The following PHKB variants were observed in gnomAD, a reference collection of about 807,000 sequenced individuals.
PHKB encodes phosphorylase b kinase regulatory subunit beta.
PHKB carries 122 observed loss-of-function variants against 152.1 expected under a neutral mutation model. The observed-to-expected ratio is 0.80, with a 90% confidence interval of 0.69 to 0.93. PHKB has a LOEUF of 0.93. PHKB is among the 40% of genes least tolerant of loss of function. The pLI, the probability that PHKB is intolerant of heterozygous loss-of-function variation, is 0.00. For synonymous variants in PHKB, 436 were observed against 464.9 expected, an observed-to-expected ratio of 0.94 and a Z score of 0.80; for missense variants, 1,304 against 1,328.4, an observed-to-expected ratio of 0.98 and a Z score of 0.29.
chr16:47,466,616 CTT>C (rs1969673224), intron 1 of PHKB, among the ~76,000 whole-genome samples: 1 of 152,138 alleles, frequency 6.6e-6, no homozygotes, highest in Non-Finnish European at 1.5e-5. Context: ...GGACTTGAGT[CTT>C]TTCATTTACT....
At chr16:47,536,656 C>T (rs1236858362) in intron 6 of PHKB, among the ~76,000 whole-genome samples, 2 of 152,306 alleles carry the variant, frequency 1.3e-5, no homozygotes, top group East Asian at 3.9e-4. Flanking sequence ...TATACATATT[C>T]ACACAAAGTG....
At chr16:47,486,722 C>T (rs553350662) in intron 1 of PHKB, among the ~76,000 whole-genome samples, 2 of 152,110 alleles carry the variant, frequency 1.3e-5, no homozygotes, top group Admixed American at 6.5e-5. Context: ...GACTCTTTGA[C>T]CTCTATGATA....
chr16:47,549,455 C>T (rs999436198), intron 7 of PHKB, among the ~76,000 whole-genome samples: 12 of 152,096 alleles, frequency 7.9e-5, no homozygotes, highest in East Asian at 1.9e-4. Flanking sequence ...TTTGGGAGGC[C>T]GAGGCGGGCA....
chr16:47,622,178 A>G (rs536868279), intron 14 of PHKB, among the ~76,000 whole-genome samples: 1 of 152,238 alleles, frequency 6.6e-6, no homozygotes, highest in African/African-American at 2.4e-5. Context: ...TATTTCTGAC[A>G]TTTTTCTCTA....
At chr16:47,532,084 A>C (rs1970871225) in intron 6 of PHKB, among the ~76,000 whole-genome samples, 1 of 152,214 alleles carries the variant, frequency 6.6e-6, no homozygotes, top group African/African-American at 2.4e-5. Flanking sequence ...AATTTAAAAA[A>C]CAGGAAATTA....
At chr16:47,464,104 C>T (rs1969625012) in intron 1 of PHKB, 4 of 794,138 alleles carry the variant, frequency 5.0e-6, no homozygotes, top group Non-Finnish European at 8.9e-6. Flanking sequence ...CTTTGGTGGG[C>T]CCAGGCCTGA....
intron 13 of PHKB, among the ~76,000 whole-genome samples, chr16:47,602,703 G>A (rs969866751): frequency 6.6e-6 from 1 of 152,000 alleles, no homozygotes; most frequent in African/African-American, 2.4e-5. Context: ...ACTTCCATGA[G>A]CATTAATTTT....
At chr16:47,552,256 A>G (rs1204611459) in intron 7 of PHKB, among the ~76,000 whole-genome samples, 2 of 152,114 alleles carry the variant, frequency 1.3e-5, no homozygotes, top group African/African-American at 4.8e-5. Context: ...TCCTGTCATT[A>G]TGATGTTAGC....
chr16:47,686,539 G>T (rs931039739), intron 26 of PHKB, among the ~76,000 whole-genome samples: 1 of 152,102 alleles, frequency 6.6e-6, no homozygotes, highest in Non-Finnish European at 1.5e-5. Context: ...AAGTAAGTTC[G>T]ATGAGCAATA....
chr16:47,602,564 T>C (rs1467542194), intron 13 of PHKB, among the ~76,000 whole-genome samples: 4 of 139,432 alleles, frequency 2.9e-5, no homozygotes, highest in Non-Finnish European at 6.3e-5. Context: ...TTTTTTTTTC[T>C]TTTCTTACAT....
intron 20 of PHKB, among the ~76,000 whole-genome samples, chr16:47,658,548 G>T (rs1449354304): frequency 6.6e-6 from 1 of 152,084 alleles, no homozygotes; most frequent in Admixed American, 6.6e-5. Context: ...ATACAATGGA[G>T]GTCTCATAAG....
At chr16:47,671,815 G>A (rs980705373) in intron 26 of PHKB, among the ~76,000 whole-genome samples, 1 of 152,094 alleles carries the variant, frequency 6.6e-6, no homozygotes, top group Non-Finnish European at 1.5e-5. Flanking sequence ...GAAATAGTTT[G>A]AATAAATTGG....
Position 47,560,734 on chromosome 16 carries a change from T to C in PHKB, c.710+13186T>C, listed in dbSNP as rs528607540. Among the ~76,000 whole-genome samples the C allele has an allele frequency of 1.1e-4, 15 of 132,366 alleles. No homozygotes were observed. The East Asian group carries it at 3.0e-3, about 26-fold the overall frequency. 86.8% of individuals were successfully genotyped at this position (132,366 alleles called of 152,430 possible). ...ACAGAGGAATGAATCTGGACCCCTA[T>C]TTCACACCATATACAAAAATTAATA... On this transcript the variant is annotated intron_variant, in intron 7 of 30. Coordinates refer to ENST00000323584, the MANE Select transcript of PHKB (RefSeq NM_000293.3).
In PHKB at chr16:47,668,155, G is replaced by A. The variant is rs372771993; in HGVS notation, c.2428-1060G>A. On this transcript the variant is annotated intron_variant, in intron 25 of 30. Coordinates refer to ENST00000323584, the MANE Select transcript of PHKB (RefSeq NM_000293.3). Reference sequence around the variant, plus strand: ...AATATTGTTTCTACCAAGCACATTCGGATCACCTCAAGCTCTGTGGAATGA... The same window carrying A: ...AATATTGTTTCTACCAAGCACATTCAGATCACCTCAAGCTCTGTGGAATGA... Among the ~76,000 whole-genome samples the A allele has an allele frequency of 2.0e-4, 31 of 152,254 alleles. No homozygotes were observed. In the South Asian group the frequency reaches 5.4e-3, roughly 27 times the overall value.
chr16:47,668,709 A>G (rs1597164679), intron 25 of PHKB, among the ~76,000 whole-genome samples: 1 of 152,314 alleles, frequency 6.6e-6, no homozygotes, highest in East Asian at 1.9e-4. Context: ...CATTATGCCC[A>G]GAAAAATGAG....
chr16:47,650,630 G>A lies in PHKB; in HGVS notation c.1880+4G>A. ...TCATCCGGGAAGACAATATAAGGTA[G>A]GTTGATAAAAGAAGTAAGGTACGTG... On this transcript the variant is annotated splice_donor_region_variant and intron_variant, in intron 19 of 30. Coordinates refer to ENST00000323584, the MANE Select transcript of PHKB (RefSeq NM_000293.3). 6.3e-7 allele frequency: 1 copy of A among 1,591,518 alleles called. No homozygotes were observed. The highest frequency in any genetic ancestry group is 8.6e-7 in the Non-Finnish European group (1 of 1,159,642).
intron 14 of PHKB, among the ~76,000 whole-genome samples, chr16:47,625,156 C>T (rs952807712): frequency 6.6e-5 from 10 of 152,188 alleles, no homozygotes; most frequent in African/African-American, 2.2e-4. Flanking sequence ...CTCTCAACTG[C>T]AGGCTCCAAC....
intron 20 of PHKB, among the ~76,000 whole-genome samples, chr16:47,658,809 A>AGTGTGTGT (rs36066227): frequency 0.013 from 1,883 of 140,784 alleles, 15 homozygotes; most frequent in South Asian, 0.038. Flanking sequence ...AATGCATGAC[A>AGTGTGTGT]GTGTGTGTGT....
At chr16:47,656,400 AT>A (rs2151734746) in intron 20 of PHKB, among the ~76,000 whole-genome samples, 1 of 152,318 alleles carries the variant, frequency 6.6e-6, no homozygotes, top group African/African-American at 2.4e-5. Context: ...AATTAAAAAT[AT>A]TTATCAAAAG....
Sources: gnomAD v4.1 joint callset for allele counts (sites outside exome capture counted in the v4.1 genomes callset) on GRCh38, gnomAD v4.1.1 for gene constraint, MANE v1.5 for transcripts, NCBI Gene and HGNC (gene_info 2026-07-23, HGNC 2026-07-21) for gene names.